MYO16: variants seen among roughly 807,000 people sequenced by gnomAD.
The protein encoded by MYO16 is unconventional myosin-XVI.
MYO16 carries 94 observed loss-of-function variants against 205.3 expected under a neutral mutation model. That is an observed-to-expected ratio of 0.46 (90% confidence interval 0.39 to 0.54). The LOEUF (loss-of-function observed/expected upper bound fraction) is 0.54, where lower values mean the gene tolerates loss of function less well. MYO16 is among the 20% of genes least tolerant of loss of function. MYO16 has a pLI of 0.00. For synonymous variants in MYO16, 988 were observed against 954.0 expected, an observed-to-expected ratio of 1.04 and a Z score of -0.66; for missense variants, 2,315 against 2,387.5, an observed-to-expected ratio of 0.97 and a Z score of 0.63.
intron 1 of MYO16, among the ~76,000 whole-genome samples, chr13:108,607,789 C>A (rs1250793694): frequency 2.6e-5 from 4 of 152,182 alleles, no homozygotes; most frequent in Non-Finnish European, 5.9e-5. Flanking sequence ...AATGTGCTCA[C>A]ACTTTCTCCA....
chr13:108,732,582 G>A (rs1439758576), intron 4 of MYO16, among the ~76,000 whole-genome samples: 1 of 152,190 alleles, frequency 6.6e-6, no homozygotes, highest in Non-Finnish European at 1.5e-5. Flanking sequence ...AGTGACAGGG[G>A]TCAGGGGATA....
intron 23 of MYO16, among the ~76,000 whole-genome samples, chr13:109,038,896 C>T (rs570380079): frequency 5.3e-5 from 8 of 152,168 alleles, no homozygotes; most frequent in African/African-American, 1.9e-4. Context: ...ATATTTTTCT[C>T]CTAGCTCCCT....
chr13:108,551,765 C>T, the MYO16 span, among the ~76,000 whole-genome samples: 1 of 152,150 alleles, frequency 6.6e-6, no homozygotes, highest in Non-Finnish European at 1.5e-5. Flanking sequence ...TATCACTTCA[C>T]AACTAACATC....
At chr13:108,613,708 A>C (rs1267909881) in intron 1 of MYO16, among the ~76,000 whole-genome samples, 1 of 152,176 alleles carries the variant, frequency 6.6e-6, no homozygotes, top group Non-Finnish European at 1.5e-5. Context: ...AGACATGAAA[A>C]TCACTGAATA....
chr13:108,825,824 TACCC>T (rs1876231632), intron 9 of MYO16, among the ~76,000 whole-genome samples: 1 of 130,782 alleles, frequency 7.6e-6, no homozygotes, highest in Non-Finnish European at 1.7e-5. Flanking sequence ...AAAACATGCT[TACCC>T]AGTAGGTTAG....
the MYO16 span, among the ~76,000 whole-genome samples, chr13:108,527,189 A>C: frequency 6.6e-6 from 1 of 152,316 alleles, no homozygotes; most frequent in African/African-American, 2.4e-5. Flanking sequence ...GAACAATCAT[A>C]AACACAGTCC....
intron 16 of MYO16, among the ~76,000 whole-genome samples, chr13:108,953,270 A>G (rs1883222943): frequency 6.6e-6 from 1 of 152,188 alleles, no homozygotes; most frequent in Non-Finnish European, 1.5e-5. Context: ...GTTTAAGATG[A>G]TTAAAATTTT....
intron 5 of MYO16, among the ~76,000 whole-genome samples, chr13:108,791,383 A>C (rs150534285): frequency 6.6e-6 from 1 of 152,380 alleles, no homozygotes; most frequent in East Asian, 1.9e-4. Context: ...AATGAGAGGC[A>C]TGAAAAACAC....
At chr13:108,601,793 C>T (rs1055677405) in intron 1 of MYO16, among the ~76,000 whole-genome samples, 24 of 152,032 alleles carry the variant, frequency 1.6e-4, no homozygotes, top group African/African-American at 5.6e-4. Context: ...GGTTATGTGA[C>T]CTTTATGTTA....
chr13:108,649,372 G>T (rs985685109), intron 1 of MYO16, among the ~76,000 whole-genome samples: 1 of 152,120 alleles, frequency 6.6e-6, no homozygotes, highest in African/African-American at 2.4e-5. Flanking sequence ...TTCCAGTCCC[G>T]TGGGCAGTTG....
intron 12 of MYO16, among the ~76,000 whole-genome samples, chr13:108,869,731 T>TTAAAAA (rs1317454160): frequency 1.0e-4 from 7 of 67,028 alleles, no homozygotes; most frequent in African/African-American, 4.9e-4. Context: ...ACTCCGTTTC[T>TTAAAAA]AAAAAAAAAA....
At chr13:108,738,662 G>A (rs1271768710) in intron 4 of MYO16, among the ~76,000 whole-genome samples, 1 of 152,154 alleles carries the variant, frequency 6.6e-6, no homozygotes, top group Non-Finnish European at 1.5e-5. Context: ...TCCACTTGGT[G>A]CAGAGCTGAG....
intron 20 of MYO16, among the ~76,000 whole-genome samples, chr13:108,969,593 G>A (rs1043606293): frequency 6.6e-6 from 1 of 152,176 alleles, no homozygotes; most frequent in Admixed American, 6.5e-5. Context: ...CCTCCACTCG[G>A]GTGTTTCATG....
intron 23 of MYO16, among the ~76,000 whole-genome samples, chr13:109,022,134 TA>T (rs561116207): frequency 8.2e-5 from 11 of 133,960 alleles, no homozygotes; most frequent in African/African-American, 3.2e-4. Context: ...TATATATACA[TA>T]TATATATTTA....
Position 108,844,179 on chromosome 13 carries a change from TAA to T in MYO16, c.1098-161_1098-160del, listed in dbSNP as rs968766638. Among the ~76,000 whole-genome samples the T allele has an allele frequency of 5.3e-5, 8 of 152,340 alleles. No individual in the cohort carries two copies. In the South Asian group the frequency reaches 6.2e-4, roughly 12 times the overall value. ...TGAATAAAGTTTGGAATTAATTTTTTAAAAGTTTACAGATTTCTTACTAATTT... is the reference window on the plus strand; with the variant it reads ...TGAATAAAGTTTGGAATTAATTTTTTAAGTTTACAGATTTCTTACTAATTT... On this transcript the variant is annotated intron_variant, in intron 9 of 34. Coordinates refer to ENST00000457511, the MANE Select transcript of MYO16 (RefSeq NM_001198950.3).
At chr13:109,067,199 G>C (rs943065224) in intron 27 of MYO16, among the ~76,000 whole-genome samples, 20 of 152,120 alleles carry the variant, frequency 1.3e-4, no homozygotes, top group Middle Eastern at 3.2e-3. Context: ...TAACCATTTA[G>C]AGTAACTACT....
intron 4 of MYO16, among the ~76,000 whole-genome samples, chr13:108,777,384 A>T (rs975272441): frequency 1.3e-5 from 2 of 152,216 alleles, no homozygotes; most frequent in African/African-American, 4.8e-5. Flanking sequence ...GATAATGCTG[A>T]AAACTAACAG....
intron 9 of MYO16, among the ~76,000 whole-genome samples, chr13:108,824,364 T>A (rs1263677380): frequency 6.6e-6 from 1 of 152,040 alleles, no homozygotes; most frequent in African/African-American, 2.4e-5. Context: ...GAAATACCCA[T>A]GGTGAAAATG....
At chr13:108,938,821 G>T (rs1882600000) in intron 16 of MYO16, among the ~76,000 whole-genome samples, 1 of 152,246 alleles carries the variant, frequency 6.6e-6, no homozygotes, top group Non-Finnish European at 1.5e-5. Context: ...AATGTCCAGA[G>T]ATCTGCCTGT....
Sources: gnomAD v4.1 joint callset for allele counts (sites outside exome capture counted in the v4.1 genomes callset) on GRCh38, gnomAD v4.1.1 for gene constraint, MANE v1.5 for transcripts, NCBI Gene and HGNC (gene_info 2026-07-23, HGNC 2026-07-21) for gene names.